The following AKR1E2 variants were observed in gnomAD, a reference collection of about 807,000 sequenced individuals.
The protein encoded by AKR1E2 is 1,5-anhydro-D-fructose reductase.
A neutral mutation model predicts 41.9 loss-of-function variants in AKR1E2; 43 were observed. The ratio of observed to expected loss-of-function variants is 1.03; its 90% CI spans 0.80 to 1.32. AKR1E2 has a LOEUF of 1.32. Ranked by LOEUF, AKR1E2 falls within the 40% of genes most tolerant of loss-of-function variation. The pLI, the probability that AKR1E2 is intolerant of heterozygous loss-of-function variation, is 0.00. For missense variants in AKR1E2, 423 were observed against 396.5 expected (o/e 1.07, Z -0.57); for synonymous variants, 121 against 138.9 (o/e 0.87, Z 0.91).
chr10:4,842,861 C>T (rs1342675605), intron 8 of AKR1E2, among the ~76,000 whole-genome samples: 1 of 152,148 alleles, frequency 6.6e-6, no homozygotes, highest in African/African-American at 2.4e-5. Flanking sequence ...AGCGTGCACT[C>T]AGGAGAAAGG....
intron 6 of AKR1E2, among the ~76,000 whole-genome samples, chr10:4,840,526 T>A (rs1283660599): frequency 6.6e-6 from 1 of 152,124 alleles, no homozygotes; most frequent in Non-Finnish European, 1.5e-5. Context: ...ATCCTATCAC[T>A]TTCCTGGGAA....
the AKR1E2 span, among the ~76,000 whole-genome samples, chr10:4,864,411 C>G: frequency 2.6e-5 from 4 of 152,126 alleles, no homozygotes; most frequent in Non-Finnish European, 5.9e-5. Context: ...AATTCAACAG[C>G]CCTTCATGCT....
At chr10:4,866,231 A>C in the AKR1E2 span, among the ~76,000 whole-genome samples, 1 of 152,208 alleles carries the variant, frequency 6.6e-6, no homozygotes, top group Non-Finnish European at 1.5e-5. Flanking sequence ...AAAAGGTAGG[A>C]GGGGTTAAAT....
intron 3 of AKR1E2, among the ~76,000 whole-genome samples, chr10:4,833,776 G>C (rs547531186): frequency 5.3e-5 from 8 of 152,290 alleles, no homozygotes; most frequent in Admixed American, 4.6e-4. Flanking sequence ...ATCAGATGAG[G>C]AAATACTGCT....
the AKR1E2 span, among the ~76,000 whole-genome samples, chr10:4,872,375 G>A: frequency 6.6e-6 from 1 of 152,154 alleles, no homozygotes; most frequent in Non-Finnish European, 1.5e-5. Context: ...ATTCAGAAAT[G>A]ATTTGTCTAT....
intron 2 of AKR1E2, among the ~76,000 whole-genome samples, chr10:4,831,836 T>A (rs1832994815): frequency 6.6e-6 from 1 of 152,188 alleles, no homozygotes; most frequent in South Asian, 2.1e-4. Flanking sequence ...CATTTTTAAA[T>A]AGGGCAGCTT....
the AKR1E2 span, among the ~76,000 whole-genome samples, chr10:4,866,182 C>G: frequency 1.3e-5 from 2 of 152,148 alleles, no homozygotes; most frequent in Non-Finnish European, 2.9e-5. Flanking sequence ...TTCCTCCTTC[C>G]TGTGCTCTGA....
chr10:4,846,506 T>C (rs889991299), intron 8 of AKR1E2, among the ~76,000 whole-genome samples: 4 of 151,712 alleles, frequency 2.6e-5, no homozygotes, highest in Admixed American at 1.3e-4. Context: ...TTTGTTGGGG[T>C]TTTGAGGGGT....
At chr10:4,825,434 C>T (rs1275687875), upstream of AKR1E2, among the ~76,000 whole-genome samples, 4 of 152,092 alleles carry the variant, frequency 2.6e-5, no homozygotes, top group African/African-American at 9.7e-5. Context: ...CTGGGGGAGC[C>T]CAGTCCACTC....
At chr10:4,859,975 G>A in the AKR1E2 span, among the ~76,000 whole-genome samples, 1 of 152,218 alleles carries the variant, frequency 6.6e-6, no homozygotes, top group Non-Finnish European at 1.5e-5. Context: ...TGCTTTTGAA[G>A]AGTAGTGAGC....
intron 1 of AKR1E2, among the ~76,000 whole-genome samples, chr10:4,829,768 T>C (rs1450841251): frequency 6.6e-6 from 1 of 152,212 alleles, no homozygotes. Flanking sequence ...TGTCCATTCG[T>C]GTCAGTTTTT....
At position 4,837,498 on chromosome 10, in the gene AKR1E2, A is replaced by G. The variant is rs1350137603; in HGVS notation, c.499A>G (p.Ile167Val). 6 of 1,614,064 alleles carry G rather than the reference A, an allele frequency of 3.7e-6. No homozygotes were observed. Among genetic ancestry groups the G allele is most frequent in the East Asian group, 2.2e-5 (1 of 44,902 alleles). The stretch of plus-strand genomic sequence containing the variant: ...GGTGATCACCGGGCTGGTGAAGAAC[A>G]TCGGGGTGTCAAACTTCAACCATGA... ...DLVITGLVKN[I>V]GVSNFNHEQL... The change falls in exon 5 of 10, where the codon ATC (isoleucine) becomes GTC (valine). Residue 167 changes from isoleucine to valine, a missense_variant. Coordinates refer to ENST00000298375, the MANE Select transcript of AKR1E2 (RefSeq NM_001040177.3).
intron 6 of AKR1E2, 44 bp from the exon 7 acceptor site, chr10:4,841,741 A>G (rs1263470511): frequency 1.4e-6 from 2 of 1,388,392 alleles, no homozygotes; most frequent in Non-Finnish European, 1.9e-6. Flanking sequence ...AGGGGCATCC[A>G]TGTTGGATCT....
At chr10:4,870,432 C>A in the AKR1E2 span, among the ~76,000 whole-genome samples, 2 of 151,088 alleles carry the variant, frequency 1.3e-5, no homozygotes, top group African/African-American at 2.4e-5. Flanking sequence ...TTTCCATTTT[C>A]TTTCTGTTTA....
At chr10:4,862,009 C>T in the AKR1E2 span, among the ~76,000 whole-genome samples, 1 of 152,206 alleles carries the variant, frequency 6.6e-6, no homozygotes, top group South Asian at 2.1e-4. Context: ...CTTGCCCATG[C>T]CTATGTCCTG....
chr10:4,839,823 C>T lies in AKR1E2; in HGVS notation c.677C>T (p.Ser226Leu), dbSNP rs768333050. Residue 226 changes from serine (S) to leucine (L), a missense_variant, in exon 6 of 10, where the codon TCG becomes TTG. Coordinates refer to ENST00000298375, the MANE Select transcript of AKR1E2 (RefSeq NM_001040177.3). ...ACTGCTTACCGTCCTCTTGGTGGCT[C>T]GTGGTAAGGATACCTCAGTGGTGTG... The part of the protein sequence containing the change: ...SVTAYRPLGG[S>L]CEGVDLIDNP... 5.6e-6 allele frequency: 9 copies of T among 1,613,574 alleles called. No individual in the cohort carries two copies. Among genetic ancestry groups the T allele is most frequent in the South Asian group, 5.5e-5 (5 of 91,050 alleles).
At chr10:4,848,860 C>G, downstream of AKR1E2, among the ~76,000 whole-genome samples, 1 of 152,210 alleles carries the variant, frequency 6.6e-6, no homozygotes. Flanking sequence ...CTTCAGTGTC[C>G]TTGTCCACTC....
intron 6 of AKR1E2, 51 bp from the exon 7 acceptor site, chr10:4,841,734 G>T: frequency 1.5e-6 from 2 of 1,310,754 alleles, no homozygotes; most frequent in Non-Finnish European, 2.1e-6. Flanking sequence ...TAAAGAAAGG[G>T]GCATCCATGT....
the AKR1E2 span, among the ~76,000 whole-genome samples, chr10:4,872,973 G>T: frequency 6.6e-6 from 1 of 152,132 alleles, no homozygotes; most frequent in African/African-American, 2.4e-5. Flanking sequence ...TTTCTAGGCA[G>T]GGGGAATGGC....
Sources: gnomAD v4.1 joint callset for allele counts (sites outside exome capture counted in the v4.1 genomes callset) on GRCh38, gnomAD v4.1.1 for gene constraint, MANE v1.5 for transcripts, NCBI Gene and HGNC (gene_info 2026-07-23, HGNC 2026-07-21) for gene names.